UCHL5: variants seen among roughly 807,000 people sequenced by gnomAD.
UCHL5 encodes ubiquitin carboxyl-terminal hydrolase isozyme L5.
In UCHL5, 34 loss-of-function variants were observed where a neutral mutation model predicts 53.8. The ratio of observed to expected loss-of-function variants is 0.63; its 90% CI spans 0.48 to 0.84. The LOEUF (loss-of-function observed/expected upper bound fraction) is 0.84. UCHL5 is among the 40% of genes least tolerant of loss of function. The pLI, the probability that UCHL5 is intolerant of heterozygous loss-of-function variation, is 0.00. For missense variants in UCHL5, 290 were observed against 385.6 expected, an observed-to-expected ratio of 0.75 and a Z score of 2.08; for synonymous variants, 111 against 126.3, an observed-to-expected ratio of 0.88 and a Z score of 0.81.
chr1:193,056,408 T>G (rs1670637098), intron 1 of UCHL5, among the ~76,000 whole-genome samples: 1 of 152,172 alleles, frequency 6.6e-6, no homozygotes, highest in African/African-American at 2.4e-5. Context: ...TACTCTAGGT[T>G]TTCTACTTTC....
At chr1:193,028,244 T>C in intron 6 of UCHL5, 96 bp from the exon 7 acceptor site, 2 of 1,070,240 alleles carry the variant, frequency 1.9e-6, no homozygotes, top group Admixed American at 3.0e-5. Flanking sequence ...TTTACAAATA[T>C]TTTAATAAAT....
intron 3 of UCHL5, among the ~76,000 whole-genome samples, chr1:193,037,992 G>GA (rs961963176): frequency 2.0e-5 from 3 of 149,570 alleles, no homozygotes; most frequent in Non-Finnish European, 4.4e-5. Flanking sequence ...GTGATACCAA[G>GA]AAAAAAACTA....
intron 3 of UCHL5, among the ~76,000 whole-genome samples, chr1:193,041,831 G>C (rs1197008605): frequency 1.3e-5 from 2 of 152,042 alleles, no homozygotes; most frequent in Non-Finnish European, 2.9e-5. Flanking sequence ...AATATTAAGT[G>C]AAAAAAGTAG....
intron 3 of UCHL5, among the ~76,000 whole-genome samples, chr1:193,040,668 T>C (rs1366926988): frequency 1.3e-5 from 2 of 152,188 alleles, no homozygotes; most frequent in African/African-American, 2.4e-5. Context: ...GGGAAATAAA[T>C]ATATCAAAGA....
chr1:193,014,917 A>C lies in UCHL5; in HGVS notation c.*1434T>G, dbSNP rs999011231. ...TCAATAGGAAAGAATATATAAATTAAGCTGAAATAAACGAATGAGATCAAG... is the reference window on the plus strand; with the variant it reads ...TCAATAGGAAAGAATATATAAATTACGCTGAAATAAACGAATGAGATCAAG... On this transcript the variant is annotated 3_prime_UTR_variant, in exon 11 of 11. Coordinates refer to ENST00000367454, the MANE Select transcript of UCHL5 (RefSeq NM_001199261.3). 27 of 152,152 alleles carry C rather than the reference A, an allele frequency of 1.8e-4. No homozygotes were observed. The highest frequency in any genetic ancestry group is 6.3e-4 in the African/African-American group (26 of 41,454). The allele number at this position is 152,152 out of a possible 1,614,324, so 9.4% of individuals were successfully genotyped here. A position where few individuals can be genotyped will look rare whatever the true frequency, so the allele number is the denominator to read the frequency against.
At chr1:193,019,833 A>T (rs1449538464) in intron 10 of UCHL5, 1 of 944,334 alleles carries the variant, frequency 1.1e-6, no homozygotes, top group Non-Finnish European at 1.3e-6. Context: ...TGCAAAATTT[A>T]TACATTTAAT....
At position 193,015,282 on chromosome 1, in the gene UCHL5, G is replaced by T. The variant is rs1046044347; in HGVS notation, c.*1069C>A. 1 of 151,904 alleles carries T rather than the reference G, an allele frequency of 6.6e-6. No individual in the cohort carries two copies. The highest frequency in any genetic ancestry group is 2.4e-5 in the African/African-American group (1 of 41,402). The allele number at this position is 151,904 out of a possible 1,614,324, so 9.4% of individuals were successfully genotyped here. On this transcript the variant is annotated 3_prime_UTR_variant, in exon 11 of 11. Coordinates refer to ENST00000367454, the MANE Select transcript of UCHL5 (RefSeq NM_001199261.3). ...TTGATTTTACAATAAATAATAAAAT[G>T]TTAAAGTCATGTATCAACCTCAGAA...
intron 1 of UCHL5, among the ~76,000 whole-genome samples, chr1:193,056,381 A>G (rs1381666868): frequency 1.3e-5 from 2 of 151,772 alleles, no homozygotes; most frequent in African/African-American, 4.8e-5. Flanking sequence ...GATCTTTATT[A>G]TTTCCTGTCA....
chr1:193,017,828 A>G (rs754001543), intron 10 of UCHL5, among the ~76,000 whole-genome samples: 2 of 151,482 alleles, frequency 1.3e-5, no homozygotes, highest in African/African-American at 2.4e-5. Context: ...AATCATCAAG[A>G]ATGTGAAGTA....
chr1:193,059,326 C>A lies in UCHL5; in HGVS notation c.-66G>T. ...AGCTGCCCCCCGCACCAGCTGCCGC[C>A]GGCCACAGATCTCAGCAAACCCGCC... On this transcript the variant is annotated 5_prime_UTR_variant, in exon 1 of 11. Coordinates refer to ENST00000367454, the MANE Select transcript of UCHL5 (RefSeq NM_001199261.3). This position sits in a 1 kb window ranked among gnomAD's most constrained non-coding sequence, Gnocchi z 4.9. 6.2e-7 allele frequency: 1 copy of A among 1,607,312 alleles called. No homozygotes were observed. Among genetic ancestry groups the A allele is most frequent in the Non-Finnish European group, 8.5e-7 (1 of 1,177,054 alleles).
intron 3 of UCHL5, among the ~76,000 whole-genome samples, chr1:193,031,524 A>G (rs1280153015): frequency 6.6e-6 from 1 of 152,142 alleles, no homozygotes; most frequent in Non-Finnish European, 1.5e-5. Flanking sequence ...TGTGTCTGTG[A>G]GAAGAAAAGT....
At chr1:193,032,883 G>A (rs953860035) in intron 3 of UCHL5, among the ~76,000 whole-genome samples, 1 of 152,334 alleles carries the variant, frequency 6.6e-6, no homozygotes, top group East Asian at 1.9e-4. Flanking sequence ...AACAACAGAT[G>A]CTGGAGAGGA....
chr1:193,017,087 G>A (rs1160483957), intron 10 of UCHL5, among the ~76,000 whole-genome samples: 1 of 151,708 alleles, frequency 6.6e-6, no homozygotes, highest in Non-Finnish European at 1.5e-5. Flanking sequence ...GCTTCTCAAT[G>A]TATATACCAA....
At chr1:193,050,577 A>C (rs971247779) in intron 2 of UCHL5, among the ~76,000 whole-genome samples, 1 of 152,032 alleles carries the variant, frequency 6.6e-6, no homozygotes, top group Non-Finnish European at 1.5e-5. Context: ...TACTAAAAAA[A>C]CAAAAACAAA....
chr1:193,059,545 C>T, upstream of UCHL5: 2 of 1,544,684 alleles, frequency 1.3e-6, no homozygotes, highest in Non-Finnish European at 1.8e-6. This position sits in a 1 kb window ranked among gnomAD's most constrained non-coding sequence, Gnocchi z 4.9. Context: ...ATTCACAGCG[C>T]CGAGGAGGCA....
intron 10 of UCHL5, chr1:193,020,206 GCTCACATCTCA>G: frequency 4.3e-6 from 6 of 1,391,718 alleles, no homozygotes; most frequent in Non-Finnish European, 5.6e-6. Context: ...AAACTTATTA[GCTCACATCTCA>G]TATTATTTAG....
chr1:193,029,928 T>C (rs572112134), intron 3 of UCHL5, among the ~76,000 whole-genome samples: 1 of 152,294 alleles, frequency 6.6e-6, no homozygotes, highest in East Asian at 1.9e-4. Context: ...AGATCAATCA[T>C]CCTGATGGAA....
intron 3 of UCHL5, among the ~76,000 whole-genome samples, chr1:193,043,200 G>GT (rs945350275): frequency 2.2e-4 from 19 of 85,332 alleles, no homozygotes; most frequent in African/African-American, 4.7e-4. Context: ...ATAAACTATT[G>GT]TTTTTTTTAT....
intron 10 of UCHL5, chr1:193,018,543 G>A: frequency 8.7e-7 from 1 of 1,155,614 alleles, no homozygotes; most frequent in Non-Finnish European, 1.1e-6. Context: ...GAATTCATCG[G>A]TTAAAAAGTC....
Sources: allele counts gnomAD v4.1 joint callset (sites outside exome capture counted in the v4.1 genomes callset), GRCh38; gene constraint gnomAD v4.1.1; non-coding constraint Gnocchi (gnomAD v3.1); transcripts MANE v1.5; gene names NCBI Gene and HGNC (gene_info 2026-07-23, HGNC 2026-07-21).